The following FHIT variants were observed in gnomAD, a reference collection of about 807,000 sequenced individuals.
The protein encoded by FHIT is fragile histidine triad diadenosine triphosphatase.
In FHIT, 19 loss-of-function variants were observed where a neutral mutation model predicts 17.9. That is an observed-to-expected ratio of 1.06 (90% CI 0.74 to 1.56). The LOEUF (loss-of-function observed/expected upper bound fraction) is 1.56, where lower values mean the gene tolerates loss of function less well. Ranked by LOEUF, FHIT falls within the 40% of genes most tolerant of loss-of-function variation. The probability of loss-of-function intolerance (pLI) is 0.00; values close to 1 mark genes in which losing one functional copy is unlikely to be tolerated. For synonymous variants in FHIT, 81 were observed against 69.7 expected (o/e 1.16, Z -0.81); for missense variants, 248 against 189.2 (o/e 1.31, Z -1.82).
At chr3:60,979,517 T>C (rs1710400476) in intron 3 of FHIT, among the ~76,000 whole-genome samples, 1 of 152,112 alleles carries the variant, frequency 6.6e-6, no homozygotes, top group African/African-American at 2.4e-5. Flanking sequence ...GTAGTGACAT[T>C]AGCTGCCATG....
chr3:60,894,076 A>G (rs1705656549), intron 3 of FHIT, among the ~76,000 whole-genome samples: 1 of 152,174 alleles, frequency 6.6e-6, no homozygotes, highest in Non-Finnish European at 1.5e-5. Flanking sequence ...CTCACTAACT[A>G]CATCAAACAT....
chr3:60,636,070 A>AT (rs3037240), intron 4 of FHIT, among the ~76,000 whole-genome samples: 2,507 of 146,944 alleles, frequency 0.017, 45 homozygotes, highest in African/African-American at 0.043. Context: ...TTGTACAATG[A>AT]TTTTTTTTTT....
chr3:61,049,021 T>C (rs889963955), intron 2 of FHIT, among the ~76,000 whole-genome samples: 1 of 152,018 alleles, frequency 6.6e-6, no homozygotes, highest in South Asian at 2.1e-4. Flanking sequence ...ATATACCTAA[T>C]GCTAAATGAT....
chr3:59,945,749 C>T (rs112813269), intron 7 of FHIT, among the ~76,000 whole-genome samples: 14,733 of 152,212 alleles, frequency 0.097, 774 homozygotes, highest in Admixed American at 0.14. Flanking sequence ...CAGTCTTCTG[C>T]ATATGGCTAG....
At chr3:60,426,162 A>G (rs939671555) in intron 5 of FHIT, among the ~76,000 whole-genome samples, 3 of 152,190 alleles carry the variant, frequency 2.0e-5, no homozygotes, top group Non-Finnish European at 2.9e-5. Flanking sequence ...TGGACTAGTT[A>G]TGAGTCTTTC....
intron 4 of FHIT, among the ~76,000 whole-genome samples, chr3:60,796,548 C>A (rs1268661992): frequency 6.6e-6 from 1 of 152,028 alleles, no homozygotes; most frequent in Admixed American, 6.6e-5. Flanking sequence ...TAAAATGTTT[C>A]TTTGAATTAA....
intron 5 of FHIT, among the ~76,000 whole-genome samples, chr3:60,465,786 A>G (rs779925296): frequency 1.4e-4 from 22 of 152,120 alleles, no homozygotes; most frequent in Non-Finnish European, 2.8e-4. Context: ...TGTTTTGGTT[A>G]CTATATCTCT....
intron 2 of FHIT, among the ~76,000 whole-genome samples, chr3:61,171,965 T>C (rs1281988558): frequency 6.6e-6 from 1 of 152,186 alleles, no homozygotes; most frequent in Non-Finnish European, 1.5e-5. Flanking sequence ...AACGTAGTGG[T>C]TTTGCTGATA....
chr3:60,985,808 T>C (rs908547067), intron 3 of FHIT, among the ~76,000 whole-genome samples: 1 of 152,188 alleles, frequency 6.6e-6, no homozygotes, highest in Non-Finnish European at 1.5e-5. Context: ...CATAAATTTA[T>C]CTTCTTACAG....
intron 5 of FHIT, among the ~76,000 whole-genome samples, chr3:60,070,363 T>A (rs911099589): frequency 6.6e-6 from 1 of 152,238 alleles, no homozygotes; most frequent in African/African-American, 2.4e-5. Flanking sequence ...AATAAGGAGC[T>A]GCTCCTTTAT....
intron 5 of FHIT, among the ~76,000 whole-genome samples, chr3:60,533,700 A>C (rs2035871320): frequency 6.6e-6 from 1 of 152,200 alleles, no homozygotes; most frequent in South Asian, 2.1e-4. Flanking sequence ...GGGGCAGGAG[A>C]AAGTATAGTA....
At chr3:60,177,748 C>CA (rs1701743913) in intron 5 of FHIT, among the ~76,000 whole-genome samples, 1 of 152,216 alleles carries the variant, frequency 6.6e-6, no homozygotes, top group Non-Finnish European at 1.5e-5. Flanking sequence ...ATCTACCTTT[C>CA]AGGTTCAGCT....
intron 3 of FHIT, among the ~76,000 whole-genome samples, chr3:60,868,769 G>A (rs1249801337): frequency 6.6e-6 from 1 of 152,058 alleles, no homozygotes; most frequent in Non-Finnish European, 1.5e-5. Flanking sequence ...AGCTGTTTCT[G>A]ACTATTATTC....
chr3:60,362,616 T>C (rs966096076), intron 5 of FHIT, among the ~76,000 whole-genome samples: 2 of 152,250 alleles, frequency 1.3e-5, no homozygotes, highest in Non-Finnish European at 2.9e-5. Flanking sequence ...AAACATGAGA[T>C]ACATTTTTAT....
At chr3:60,814,395 T>TA (rs1701667478) in intron 4 of FHIT, among the ~76,000 whole-genome samples, 2 of 152,152 alleles carry the variant, frequency 1.3e-5, no homozygotes, top group Non-Finnish European at 2.9e-5. Context: ...TGTCTATTGT[T>TA]ACCATCTTCA....
chr3:60,843,611 C>G (rs2106876941), intron 3 of FHIT, among the ~76,000 whole-genome samples: 1 of 152,320 alleles, frequency 6.6e-6, no homozygotes, highest in Middle Eastern at 3.4e-3. Flanking sequence ...AGGCTAACAG[C>G]AGGGACACCT....
At chr3:60,083,595 C>G (rs1406093022) in intron 5 of FHIT, among the ~76,000 whole-genome samples, 1 of 152,092 alleles carries the variant, frequency 6.6e-6, no homozygotes, top group Non-Finnish European at 1.5e-5. Flanking sequence ...ACTGTGCGGT[C>G]TTTGATATTG....
chr3:60,403,745 A>T (rs549622101), intron 5 of FHIT, among the ~76,000 whole-genome samples: 7 of 152,142 alleles, frequency 4.6e-5, no homozygotes, highest in Non-Finnish European at 7.4e-5. Flanking sequence ...TTTTTGTCCA[A>T]TCATATTTCT....
chr3:59,973,909 T>C (rs935409186), intron 7 of FHIT, among the ~76,000 whole-genome samples: 1 of 151,584 alleles, frequency 6.6e-6, no homozygotes, highest in Non-Finnish European at 1.5e-5. Context: ...TACTATTAAG[T>C]AGGACCAGAG....
Sources: allele counts gnomAD v4.1 joint callset (sites outside exome capture counted in the v4.1 genomes callset), GRCh38; gene constraint gnomAD v4.1.1; transcripts MANE v1.5; gene names NCBI Gene and HGNC (gene_info 2026-07-23, HGNC 2026-07-21).